TCHP: variants seen among roughly 807,000 people sequenced by gnomAD.
TCHP encodes trichoplein keratin filament-binding protein.
In TCHP, 81 loss-of-function variants were observed where a neutral mutation model predicts 88.7. The ratio of observed to expected loss-of-function variants is 0.91; its 90% CI spans 0.76 to 1.10. The LOEUF (loss-of-function observed/expected upper bound fraction) is 1.10. TCHP is among the 50% of genes least tolerant of loss of function. The pLI is 0.00. For missense variants in TCHP, 641 were observed against 632.1 expected (o/e 1.01, Z -0.15); for synonymous variants, 232 against 232.5 (o/e 1.00, Z 0.02).
At chr12:109,910,863 C>A (rs1870441114) in intron 8 of TCHP, among the ~76,000 whole-genome samples, 200 bp from the exon 9 acceptor site, 1 of 152,220 alleles carries the variant, frequency 6.6e-6, no homozygotes, top group African/African-American at 2.4e-5. Flanking sequence ...TAGGCCTGTG[C>A]AGTGTCTGAA....
chr12:109,913,191 T>A, intron 10 of TCHP, 119 bp downstream of exon 10: 1 of 848,736 alleles, frequency 1.2e-6, no homozygotes, highest in Non-Finnish European at 1.9e-6. Flanking sequence ...TCATTTTAAG[T>A]GGGCTTTAAA....
the TCHP span, among the ~76,000 whole-genome samples, chr12:109,885,831 G>A: frequency 2.0e-5 from 3 of 151,482 alleles, no homozygotes; most frequent in African/African-American, 4.9e-5. Context: ...AGGCTGGAAT[G>A]CAGTGGTGCA....
the TCHP span, among the ~76,000 whole-genome samples, chr12:109,883,403 T>G: frequency 6.6e-6 from 1 of 152,056 alleles, no homozygotes; most frequent in East Asian, 1.9e-4. Context: ...CCAGGTAGAA[T>G]CAGGAAGTGA....
upstream of TCHP, among the ~76,000 whole-genome samples, chr12:109,896,584 G>A (rs1256460703): frequency 6.6e-6 from 1 of 152,144 alleles, no homozygotes; most frequent in Non-Finnish European, 1.5e-5. Flanking sequence ...GGAGAAGAAA[G>A]TACTCAAAAT....
chr12:109,886,576 T>C, the TCHP span, among the ~76,000 whole-genome samples: 3 of 152,192 alleles, frequency 2.0e-5, no homozygotes, highest in South Asian at 6.2e-4. Flanking sequence ...TCCAAGCTTA[T>C]CTTGTACTTT....
the TCHP span, among the ~76,000 whole-genome samples, chr12:109,890,905 C>CTCAA: frequency 3.9e-5 from 6 of 152,314 alleles, no homozygotes; most frequent in East Asian, 1.2e-3. Context: ...ATGGAGCTCT[C>CTCAA]TCAAGGAGCT....
chr12:109,907,595 C>A lies in TCHP; in HGVS notation c.595C>A (p.Leu199Ile). Residue 199 changes from leucine (L) to isoleucine (I), a missense_variant, in exon 6 of 13, where the codon CTA (leucine) becomes ATA (isoleucine). Transcript: ENST00000405876. Reference sequence around the variant, plus strand: ...ATATGAAAGGGCCCGAAGGGAGGCGCTAGAAAGGATGAAAGCTGAAGAGGA... The same window carrying A: ...ATATGAAAGGGCCCGAAGGGAGGCGATAGAAAGGATGAAAGCTGAAGAGGA... ...NEYERARREA[L>I]ERMKAEEERR... The A allele has an allele frequency of 6.2e-7, 1 of 1,614,162 alleles. No homozygotes were observed. The highest frequency in any genetic ancestry group is 8.5e-7 in the Non-Finnish European group (1 of 1,180,042).
At chr12:109,883,217 G>A in the TCHP span, among the ~76,000 whole-genome samples, 1 of 129,696 alleles carries the variant, frequency 7.7e-6, no homozygotes, top group Non-Finnish European at 1.6e-5. Context: ...TTTTTTTTTG[G>A]TAAAGATGGT....
At chr12:109,915,601 C>T in intron 12 of TCHP, 55 bp downstream of exon 12, 1 of 1,543,140 alleles carries the variant, frequency 6.5e-7, no homozygotes, top group Non-Finnish European at 8.7e-7. Flanking sequence ...TCTGCCCGGC[C>T]CCTGCTCCCC....
At chr12:109,904,964 A>G in intron 4 of TCHP, 171 bp downstream of exon 4, 2 of 603,902 alleles carry the variant, frequency 3.3e-6, no homozygotes, top group Non-Finnish European at 2.9e-6. Flanking sequence ...TGAGCGGCTC[A>G]TTCGGTTGTT....
At chr12:109,916,559 T>C in intron 12 of TCHP, 32 bp from the exon 13 acceptor site, 1 of 1,607,942 alleles carries the variant, frequency 6.2e-7, no homozygotes, top group Non-Finnish European at 8.5e-7. Context: ...ACTGCTGATC[T>C]GATCACTCTT....
rs200993715 is a variant in TCHP at position 109,903,046 on chromosome 12, C to T, written c.20C>T (p.Pro7Leu). Residue 7 changes from proline to leucine, a missense_variant, in exon 2 of 13, where the codon CCG becomes CTG. Transcript: ENST00000405876. This position sits in a 1 kb window ranked among gnomAD's most constrained non-coding sequence, Gnocchi z 4.6. MALPTL[P>L]SYWCSQQRLN... is the part of the protein sequence containing the mutation. ...TCTCAGATGGCGCTCCCGACGCTGC[C>T]GTCCTACTGGTGCAGCCAGCAGCGC... 36 of 1,608,110 alleles carry T rather than the reference C, an allele frequency of 2.2e-5. No homozygotes were observed. The highest frequency in any genetic ancestry group is 1.1e-4 in the East Asian group (5 of 44,808).
At chr12:109,899,361 C>T (rs554018215), upstream of TCHP, among the ~76,000 whole-genome samples, 6 of 152,242 alleles carry the variant, frequency 3.9e-5, no homozygotes, top group South Asian at 4.1e-4. Flanking sequence ...AGTTATCGGC[C>T]GGGTGCAGTG....
chr12:109,903,325 C>G lies in TCHP; in HGVS notation c.188+111C>G. The G allele has an allele frequency of 1.0e-6, 1 of 956,146 alleles. No individual in the cohort carries two copies. Among genetic ancestry groups the G allele is most frequent in the South Asian group, 2.1e-5 (1 of 48,374 alleles). 59.2% of individuals were successfully genotyped at this position (956,146 alleles called of 1,614,324 possible). On this transcript the variant is annotated intron_variant, in intron 2 of 12. Coordinates refer to ENST00000405876, the MANE Select transcript of TCHP (RefSeq NM_001143852.2). This position sits in a 1 kb window ranked among gnomAD's most constrained non-coding sequence, Gnocchi z 4.6. ...GGATTTGCCAGGCAGTATGAATTACCTGCATGGTGATGTTTTTCCAGCTGG... is the reference window on the plus strand; with the variant it reads ...GGATTTGCCAGGCAGTATGAATTACGTGCATGGTGATGTTTTTCCAGCTGG...
intron 12 of TCHP, 141 bp from the exon 13 acceptor site, chr12:109,916,450 T>C: frequency 2.3e-6 from 2 of 860,618 alleles, no homozygotes; most frequent in South Asian, 3.7e-5. Flanking sequence ...GCCTCATTTA[T>C]GGCTTAGGGT....
intron 1 of TCHP, chr12:109,900,824 A>C (rs866625313): frequency 6.6e-6 from 1 of 152,200 alleles, no homozygotes; most frequent in African/African-American, 2.4e-5. Flanking sequence ...GTTTGCCCCC[A>C]AAACTGGAGG....
At chr12:109,881,158 A>T in the TCHP span, among the ~76,000 whole-genome samples, 2 of 152,224 alleles carry the variant, frequency 1.3e-5, no homozygotes, top group Non-Finnish European at 2.9e-5. Flanking sequence ...AGGGAACATA[A>T]GGCTGACTTC....
intron 8 of TCHP, among the ~76,000 whole-genome samples, chr12:109,909,636 A>C (rs1255387725): frequency 6.6e-6 from 1 of 152,054 alleles, no homozygotes; most frequent in Non-Finnish European, 1.5e-5. Flanking sequence ...CCTGAATGAC[A>C]TGGTGAAACC....
chr12:109,911,076 G>A lies in TCHP; in HGVS notation c.893G>A (p.Arg298Gln), dbSNP rs764516035. 57 of 1,583,542 alleles carry A rather than the reference G, an allele frequency of 3.6e-5. No individual in the cohort carries two copies. The highest frequency in any genetic ancestry group is 1.4e-4 in the Admixed American group (8 of 55,756). Residue 298 changes from arginine to glutamine, a missense_variant, in exon 9 of 13, where the codon CGG (arginine) becomes CAG (glutamine). Transcript: ENST00000405876. The part of the protein sequence containing the change: ...QIQEELEADR[R>Q]ILQALLEKED... ...TGCTTCCTCTAGGAGGCAGACAGGCGGATCCTGCAGGCCCTCCTCGAGAAG... is the reference window on the plus strand; with the variant it reads ...TGCTTCCTCTAGGAGGCAGACAGGCAGATCCTGCAGGCCCTCCTCGAGAAG...
Sources: gnomAD v4.1 joint callset for allele counts (sites outside exome capture counted in the v4.1 genomes callset) on GRCh38, gnomAD v4.1.1 for gene constraint, Gnocchi (gnomAD v3.1) non-coding constraint, MANE v1.5 for transcripts, NCBI Gene and HGNC (gene_info 2026-07-23, HGNC 2026-07-21) for gene names.